The following NEXMIF variants were observed in gnomAD, a reference collection of about 807,000 sequenced individuals.
The protein encoded by NEXMIF is neurite extension and migration factor, also known as XLMR protein related to neurite extension.
Under a neutral mutation model 62.1 loss-of-function variants are expected in NEXMIF, and 8 were observed. The ratio of observed to expected loss-of-function variants is 0.13; its 90% CI spans 0.08 to 0.23. The LOEUF (loss-of-function observed/expected upper bound fraction) is 0.23, where lower values mean the gene tolerates loss of function less well. Ranked by LOEUF, NEXMIF falls within the 10% of genes least tolerant of loss-of-function variation. The pLI is 1.00. For synonymous variants in NEXMIF, 404 were observed against 416.6 expected, an observed-to-expected ratio of 0.97 and a Z score of 0.37; for missense variants, 976 against 1,113.3, an observed-to-expected ratio of 0.88 and a Z score of 1.75.
At chrX:74,798,012 T>G (rs2080317592) in intron 1 of NEXMIF, among the ~76,000 whole-genome samples, 1 of 112,155 alleles carries the variant, frequency 8.9e-6, no homozygotes, top group Non-Finnish European at 1.9e-5. Flanking sequence ...GAACAAAAAC[T>G]TGAATTTCTA....
intron 1 of NEXMIF, among the ~76,000 whole-genome samples, chrX:74,844,981 G>A (rs1021553761): frequency 8.9e-6 from 1 of 112,240 alleles, no homozygotes; most frequent in Admixed American, 9.4e-5. Flanking sequence ...CACATATAGA[G>A]CAATGGGTTT....
chrX:74,790,691 C>T (rs1332053986), intron 1 of NEXMIF, among the ~76,000 whole-genome samples: 55 of 113,658 alleles, frequency 4.8e-4, no homozygotes, highest in African/African-American at 1.7e-3. Context: ...AGGTCCTTCA[C>T]ATCCCTTGTA....
chrX:74,915,858 GAAAT>G (rs2080804820), intron 1 of NEXMIF, among the ~76,000 whole-genome samples: 1 of 111,304 alleles, frequency 9.0e-6, no homozygotes, highest in Admixed American at 9.6e-5. Flanking sequence ...AGAGACCCCA[GAAAT>G]AAATATAGCC....
chrX:74,783,459 C>T (rs896046493), intron 1 of NEXMIF, among the ~76,000 whole-genome samples: 5 of 111,712 alleles, frequency 4.5e-5, no homozygotes, highest in Non-Finnish European at 1.9e-5. Context: ...TCTGCTAGCA[C>T]ATTAAAGAGC....
At chrX:74,887,037 C>T in intron 1 of NEXMIF, among the ~76,000 whole-genome samples, 1 of 112,264 alleles carries the variant, frequency 8.9e-6, no homozygotes, top group Non-Finnish European at 1.9e-5. Flanking sequence ...CTGACAAAAA[C>T]AAGCAATGGG....
intron 1 of NEXMIF, among the ~76,000 whole-genome samples, chrX:74,880,142 T>G (rs1243544473): frequency 8.9e-6 from 1 of 112,254 alleles, no homozygotes; most frequent in Non-Finnish European, 1.9e-5. Flanking sequence ...AGTTTTTATG[T>G]AAGTCACTCT....
chrX:74,778,092 T>A (rs2080234010), intron 1 of NEXMIF, among the ~76,000 whole-genome samples: 1 of 111,966 alleles, frequency 8.9e-6, no homozygotes, highest in African/African-American at 3.2e-5. Context: ...TTATAAAGAC[T>A]GTGCATGAAC....
At chrX:74,866,325 A>C (rs1321116957) in intron 1 of NEXMIF, among the ~76,000 whole-genome samples, 1 of 111,207 alleles carries the variant, frequency 9.0e-6, no homozygotes, top group Admixed American at 9.6e-5. Context: ...GTTTTGGCCA[A>C]TTTCTCCCAT....
chrX:74,769,523 C>A, intron 1 of NEXMIF: 1 of 360,726 alleles, frequency 2.8e-6, no homozygotes, highest in Non-Finnish European at 4.8e-6. Context: ...GCAAAGAGTC[C>A]TTCCAGTGCC....
At chrX:74,739,755 C>T (rs2080095778) in intron 3 of NEXMIF, among the ~76,000 whole-genome samples, 1 of 110,309 alleles carries the variant, frequency 9.1e-6, no homozygotes, top group Non-Finnish European at 1.9e-5. Context: ...CAAAATCTGT[C>T]TTACTGCAAA....
chrX:74,918,245 G>C (rs961197403), intron 1 of NEXMIF, among the ~76,000 whole-genome samples: 1 of 111,930 alleles, frequency 8.9e-6, no homozygotes, highest in South Asian at 3.7e-4. Context: ...TTTCTGAAGA[G>C]AGTATCCTTG....
chrX:74,809,723 T>C (rs1275387023), intron 1 of NEXMIF, among the ~76,000 whole-genome samples: 9 of 111,890 alleles, frequency 8.0e-5, no homozygotes, highest in Non-Finnish European at 1.7e-4. Context: ...TAGTTTACTA[T>C]GATACAAACT....
At chrX:74,896,517 G>A (rs1230465847) in intron 1 of NEXMIF, among the ~76,000 whole-genome samples, 1 of 112,210 alleles carries the variant, frequency 8.9e-6, no homozygotes, top group Non-Finnish European at 1.9e-5. Context: ...TGCACGAACT[G>A]GTTTTAAGAT....
chrX:74,913,209 ACT>A (rs1055734988), intron 1 of NEXMIF, among the ~76,000 whole-genome samples: 12 of 112,226 alleles, frequency 1.1e-4, no homozygotes, highest in African/African-American at 2.3e-4. Context: ...AATTAGAAAC[ACT>A]CTTGTAACAA....
intron 1 of NEXMIF, among the ~76,000 whole-genome samples, chrX:74,890,936 G>GA (rs982144710): frequency 9.0e-6 from 1 of 111,256 alleles, no homozygotes; most frequent in Admixed American, 9.6e-5. Flanking sequence ...AATAAGGGGA[G>GA]AAAAAAATCC....
chrX:74,757,948 C>T (rs945185960), intron 1 of NEXMIF, among the ~76,000 whole-genome samples: 8 of 111,788 alleles, frequency 7.2e-5, no homozygotes, highest in African/African-American at 2.6e-4. Flanking sequence ...TAATCCAGTG[C>T]AGCATGTTTC....
intron 1 of NEXMIF, among the ~76,000 whole-genome samples, chrX:74,851,037 CAG>C (rs1467422766): frequency 1.9e-5 from 2 of 107,963 alleles, no homozygotes; most frequent in Non-Finnish European, 3.8e-5. Context: ...AAGAAACAAA[CAG>C]AAATCCTGGA....
At chrX:74,830,840 C>T (rs1021102356) in intron 1 of NEXMIF, among the ~76,000 whole-genome samples, 1 of 111,431 alleles carries the variant, frequency 9.0e-6, no homozygotes, top group East Asian at 2.8e-4. Flanking sequence ...CTTTTTTATT[C>T]CTTTTTCAGA....
chrX:74,871,365 T>A (rs1189672917), intron 1 of NEXMIF, among the ~76,000 whole-genome samples: 1 of 110,619 alleles, frequency 9.0e-6, no homozygotes, highest in African/African-American at 3.3e-5. Flanking sequence ...CAAAGGGCAA[T>A]AAAAGATCAA....
Sources: allele counts gnomAD v4.1 joint callset (sites outside exome capture counted in the v4.1 genomes callset), GRCh38; gene constraint gnomAD v4.1.1; transcripts MANE v1.5; gene names NCBI Gene and HGNC (gene_info 2026-07-23, HGNC 2026-07-21).